Variants in JPH2 observed in about 807,000 individuals in gnomAD.
JPH2 encodes the protein junctophilin-2.
JPH2 carries 38 observed loss-of-function variants against 55.9 expected under a neutral mutation model. The observed-to-expected ratio is 0.68, with a 90% CI of 0.52 to 0.89. The LOEUF is 0.89. Among genes scored for constraint, JPH2 ranks in the 40% least tolerant of loss-of-function variants. The probability of loss-of-function intolerance (pLI) is 0.00; values close to 1 mark genes in which losing one functional copy is unlikely to be tolerated. For synonymous variants in JPH2, 480 were observed against 472.4 expected (o/e 1.02, Z -0.21); for missense variants, 964 against 1,037.6 (o/e 0.93, Z 0.97).
intron 2 of JPH2, among the ~76,000 whole-genome samples, chr20:44,149,347 G>C (rs894934298): frequency 6.6e-6 from 1 of 152,258 alleles, no homozygotes; most frequent in Non-Finnish European, 1.5e-5. Flanking sequence ...ACACATTTGG[G>C]CAGACCGCTC....
chr20:44,146,507 A>T (rs1175644679), intron 2 of JPH2, among the ~76,000 whole-genome samples: 1 of 152,170 alleles, frequency 6.6e-6, no homozygotes, highest in African/African-American at 2.4e-5. Context: ...CTGGGCACAA[A>T]GGGACTTTGT....
chr20:44,146,069 G>T (rs882698), intron 2 of JPH2, among the ~76,000 whole-genome samples: 31,890 of 147,340 alleles, frequency 0.22, 4,278 homozygotes, highest in African/African-American at 0.39. Context: ...AGTCTCACTC[G>T]GTTGCCCAGG....
At chr20:44,125,297 A>G (rs2072267801) in intron 2 of JPH2, among the ~76,000 whole-genome samples, 6 of 151,830 alleles carry the variant, frequency 4.0e-5, no homozygotes, top group Admixed American at 3.9e-4. Context: ...AGTCCTTTAC[A>G]AAAGTCTGCC....
At chr20:44,115,160 C>G (rs2072178201) in intron 4 of JPH2, among the ~76,000 whole-genome samples, 1 of 152,126 alleles carries the variant, frequency 6.6e-6, no homozygotes. Context: ...CTGCTAATTC[C>G]CCTTGGGACG....
At chr20:44,158,638 T>G (rs560715546) in intron 2 of JPH2, among the ~76,000 whole-genome samples, 1 of 151,984 alleles carries the variant, frequency 6.6e-6, no homozygotes, top group East Asian at 1.9e-4. Flanking sequence ...CTTAAAGGGG[T>G]TTGAATGTAG....
intron 2 of JPH2, among the ~76,000 whole-genome samples, chr20:44,139,529 T>C (rs954952864): frequency 3.3e-5 from 5 of 152,120 alleles, no homozygotes; most frequent in African/African-American, 9.7e-5. Flanking sequence ...AAAACATGAA[T>C]AGATCTCCAA....
intron 2 of JPH2, among the ~76,000 whole-genome samples, chr20:44,126,311 A>T (rs2072277091): frequency 6.6e-6 from 1 of 152,062 alleles, no homozygotes; most frequent in Non-Finnish European, 1.5e-5. Context: ...AATTTTAAAA[A>T]TCCTTCAGCC....
At chr20:44,140,727 G>A (rs932620246) in intron 2 of JPH2, among the ~76,000 whole-genome samples, 5 of 140,464 alleles carry the variant, frequency 3.6e-5, no homozygotes, top group Admixed American at 2.8e-4. Context: ...GATCCCCACC[G>A]AGATCTCACC....
At chr20:44,172,206 C>A (rs1354535877) in intron 1 of JPH2, among the ~76,000 whole-genome samples, 1 of 152,182 alleles carries the variant, frequency 6.6e-6, no homozygotes, top group African/African-American at 2.4e-5. Flanking sequence ...GGATGTGGAA[C>A]TTTCAGTGCT....
chr20:44,169,714 TC>T (rs1018377789), intron 1 of JPH2, among the ~76,000 whole-genome samples: 2 of 152,106 alleles, frequency 1.3e-5, no homozygotes, highest in Non-Finnish European at 2.9e-5. Context: ...TTAATGTTTG[TC>T]CCCCTAAAAA....
chr20:44,144,792 T>C (rs982696155), intron 2 of JPH2, among the ~76,000 whole-genome samples: 2 of 152,210 alleles, frequency 1.3e-5, no homozygotes, highest in South Asian at 4.1e-4. Context: ...GAGGTTTACA[T>C]GAAATGAGAC....
intron 2 of JPH2, among the ~76,000 whole-genome samples, chr20:44,119,823 G>T (rs998876261): frequency 6.7e-6 from 1 of 149,620 alleles, no homozygotes; most frequent in South Asian, 2.1e-4. Flanking sequence ...GCAGTGAGCC[G>T]AGATTGCGCC....
At chr20:44,139,154 C>A (rs538014625) in intron 2 of JPH2, among the ~76,000 whole-genome samples, 2 of 152,118 alleles carry the variant, frequency 1.3e-5, no homozygotes, top group Non-Finnish European at 2.9e-5. Flanking sequence ...TTTTTTCCCC[C>A]CAAGGACAAG....
chr20:44,175,568 G>A (rs1456546202), intron 1 of JPH2, among the ~76,000 whole-genome samples: 5 of 152,194 alleles, frequency 3.3e-5, no homozygotes, highest in South Asian at 2.1e-4. Context: ...AACCCGAAGC[G>A]GAGGAGCTGG....
chr20:44,186,655 G>T lies in JPH2; in HGVS notation c.51C>A (p.Gly17=). 1 of 1,576,282 alleles carries T rather than the reference G, an allele frequency of 6.3e-7. No individual in the cohort carries two copies. ...GCCCATGGGCCTTTCCCCCCTCCCA[G>T]CCCCCGCAGTACGCCCCTCCATCAT... The part of the protein sequence containing the change: ...DFDDGGAYCG[G]WEGGKAHGHG... The change falls in exon 1 of 6, where the codon GGC becomes GGA. Residue 17 remains glycine (G), a synonymous_variant. Coordinates refer to ENST00000372980, the MANE Select transcript of JPH2 (RefSeq NM_020433.5).
intron 2 of JPH2, among the ~76,000 whole-genome samples, chr20:44,158,783 G>A (rs974599707): frequency 1.1e-4 from 16 of 152,136 alleles, no homozygotes; most frequent in African/African-American, 3.9e-4. Flanking sequence ...GACCAGGCGG[G>A]TGGGTGGGAG....
At position 44,134,139 on chromosome 20, in the gene JPH2, A is replaced by G. The variant is rs184691976; in HGVS notation, c.1170-15516T>C. Among the ~76,000 whole-genome samples, 2 of 10,456 alleles carry G rather than the reference A, an allele frequency of 1.9e-4. 1 individual carries two copies. The highest frequency in any genetic ancestry group is 9.9e-4 in the African/African-American group (2 of 2,018). The allele number at this position is 10,456 out of a possible 152,430, so 6.9% of individuals were successfully genotyped here. ...AATAAATATTTATTATAAATATATA[A>G]ATAAATATTTATTATAAATATATAA... On this transcript the variant is annotated intron_variant, in intron 2 of 5. Transcript: ENST00000372980.
At chr20:44,144,865 C>T (rs1319320876) in intron 2 of JPH2, among the ~76,000 whole-genome samples, 1 of 152,170 alleles carries the variant, frequency 6.6e-6, no homozygotes, top group East Asian at 1.9e-4. Context: ...TCAGAGATGC[C>T]CTGTCCATGC....
intron 2 of JPH2, among the ~76,000 whole-genome samples, chr20:44,141,275 C>T (rs913440254): frequency 6.6e-6 from 1 of 152,174 alleles, no homozygotes; most frequent in Non-Finnish European, 1.5e-5. Flanking sequence ...TTCACTTCTG[C>T]ATGGAGAGAA....
Sources: gnomAD v4.1 joint callset for allele counts (sites outside exome capture counted in the v4.1 genomes callset) on GRCh38, gnomAD v4.1.1 for gene constraint, MANE v1.5 for transcripts, NCBI Gene and HGNC (gene_info 2026-07-23, HGNC 2026-07-21) for gene names.